The following SLC25A40 variants were observed in gnomAD, a reference collection of about 807,000 sequenced individuals.
SLC25A40 encodes solute carrier family 25 member 40.
In SLC25A40, 41 loss-of-function variants were observed where a neutral mutation model predicts 46.5. That is an observed-to-expected ratio of 0.88 (90% CI 0.69 to 1.14). The LOEUF (loss-of-function observed/expected upper bound fraction) is 1.14. Among genes scored for constraint, SLC25A40 ranks in the 50% most tolerant of loss-of-function variants. The pLI is 0.00. For synonymous variants in SLC25A40, 126 were observed against 127.5 expected, an observed-to-expected ratio of 0.99 and a Z score of 0.08; for missense variants, 386 against 393.6, an observed-to-expected ratio of 0.98 and a Z score of 0.16.
At chr7:87,870,963 G>A (rs116674385) in intron 1 of SLC25A40, among the ~76,000 whole-genome samples, 1,743 of 152,240 alleles carry the variant, frequency 0.011, 42 homozygotes, top group African/African-American at 0.04. Context: ...TAAGCTGTCC[G>A]TGGATGGCAA....
intron 1 of SLC25A40, among the ~76,000 whole-genome samples, chr7:87,870,655 G>A (rs1405777683): frequency 6.6e-6 from 1 of 152,176 alleles, no homozygotes; most frequent in Admixed American, 6.5e-5. Flanking sequence ...AAGAGAAGAA[G>A]CAGCCGAATG....
chr7:87,866,349 A>G (rs1049405856), intron 1 of SLC25A40, among the ~76,000 whole-genome samples: 3 of 152,118 alleles, frequency 2.0e-5, no homozygotes, highest in Admixed American at 2.0e-4. Flanking sequence ...TCAGCCCTTT[A>G]AAAATGTCAT....
At chr7:87,847,748 T>C in intron 7 of SLC25A40, 105 bp downstream of exon 7, 2 of 1,112,854 alleles carry the variant, frequency 1.8e-6, no homozygotes, top group African/African-American at 1.6e-5. Flanking sequence ...ATGCAAAATA[T>C]ATCATACTAA....
chr7:87,851,440 T>C (rs1012933074), intron 5 of SLC25A40, among the ~76,000 whole-genome samples: 3 of 152,100 alleles, frequency 2.0e-5, no homozygotes, highest in Admixed American at 6.5e-5. Context: ...CCCAGACCCA[T>C]ATCAGCAAAG....
intron 9 of SLC25A40, chr7:87,842,089 C>G: frequency 3.0e-6 from 1 of 332,156 alleles, no homozygotes; most frequent in Non-Finnish European, 6.1e-6. Flanking sequence ...CAGAAATTCT[C>G]AAGTATCTAG....
chr7:87,841,962 G>A, intron 9 of SLC25A40: 2 of 366,524 alleles, frequency 5.5e-6, no homozygotes, highest in South Asian at 2.5e-5. Context: ...ACTAGTTGCA[G>A]AGCCACAATT....
chr7:87,868,456 G>A (rs1838841662), intron 1 of SLC25A40, among the ~76,000 whole-genome samples: 1 of 152,036 alleles, frequency 6.6e-6, no homozygotes, highest in African/African-American at 2.4e-5. Context: ...TGATCCCACA[G>A]GTTGAGGGCT....
intron 1 of SLC25A40, among the ~76,000 whole-genome samples, chr7:87,875,187 ATC>A (rs1300306272): frequency 6.6e-6 from 1 of 152,180 alleles, no homozygotes; most frequent in African/African-American, 2.4e-5. Flanking sequence ...TATCAAATCA[ATC>A]TCTATTTCCT....
At chr7:87,843,087 T>C (rs546179274) in intron 9 of SLC25A40, among the ~76,000 whole-genome samples, 1 of 152,224 alleles carries the variant, frequency 6.6e-6, no homozygotes, top group Admixed American at 6.6e-5. Context: ...TCCTTCGCTA[T>C]TGTTTTTATG....
At chr7:87,870,168 AT>A (rs1402711527) in intron 1 of SLC25A40, among the ~76,000 whole-genome samples, 3 of 150,740 alleles carry the variant, frequency 2.0e-5, no homozygotes, top group Non-Finnish European at 3.0e-5. Flanking sequence ...AGTTATAATA[AT>A]TCTTCATATT....
intron 4 of SLC25A40, among the ~76,000 whole-genome samples, chr7:87,855,910 T>C (rs1315635073): frequency 6.6e-6 from 1 of 152,150 alleles, no homozygotes; most frequent in Non-Finnish European, 1.5e-5. Flanking sequence ...TCTGATAAAA[T>C]AATAAATTTC....
intron 10 of SLC25A40, among the ~76,000 whole-genome samples, chr7:87,840,408 G>C (rs1183073948): frequency 2.0e-5 from 3 of 151,684 alleles, no homozygotes; most frequent in Admixed American, 6.6e-5. Flanking sequence ...AGTTACCAAC[G>C]TAAGTGGCTC....
intron 2 of SLC25A40, among the ~76,000 whole-genome samples, chr7:87,858,998 T>G (rs1838656689): frequency 6.6e-6 from 1 of 152,206 alleles, no homozygotes; most frequent in Non-Finnish European, 1.5e-5. Flanking sequence ...AGCCCTTTAT[T>G]GTATACCAGT....
In SLC25A40 at chr7:87,836,095, A is replaced by T; in HGVS notation, c.*154T>A. On this transcript the variant is annotated 3_prime_UTR_variant, in exon 12 of 12. Coordinates refer to ENST00000341119, the MANE Select transcript of SLC25A40 (RefSeq NM_018843.4). ...AAAATAAGATAAAATTTATTTTAAAATTATGATTTAGAGGTAGAGCTGAAA... is the reference window on the plus strand; with the variant it reads ...AAAATAAGATAAAATTTATTTTAAATTTATGATTTAGAGGTAGAGCTGAAA... 1 of 488,660 alleles carries T rather than the reference A, an allele frequency of 2.0e-6. No homozygotes were observed. The highest frequency in any genetic ancestry group is 3.6e-6 in the Non-Finnish European group (1 of 274,518). The allele number at this position is 488,660 out of a possible 1,614,324, so 30.3% of individuals were successfully genotyped here. A position where few individuals can be genotyped will look rare whatever the true frequency, so the allele number is the denominator to read the frequency against.
intron 1 of SLC25A40, among the ~76,000 whole-genome samples, chr7:87,867,547 T>G (rs992537122): frequency 6.6e-6 from 1 of 152,348 alleles, no homozygotes; most frequent in Admixed American, 6.5e-5. Context: ...TTTAAATCCT[T>G]GGTTGGAGAG....
chr7:87,873,057 G>A (rs1838919311), intron 1 of SLC25A40, among the ~76,000 whole-genome samples: 1 of 152,186 alleles, frequency 6.6e-6, no homozygotes, highest in Non-Finnish European at 1.5e-5. Context: ...TATGAAATGT[G>A]AAAATTAATA....
Position 87,836,077 on chromosome 7 carries a change from GAT to G in SLC25A40, c.*170_*171del, listed in dbSNP as rs1562740219. On this transcript the variant is annotated 3_prime_UTR_variant, in exon 12 of 12. Transcript: ENST00000341119. ...TCTTTTTCAATATCACCAAAAATAA[GAT>G]AAAATTTATTTTAAAATTATGATTT... is the stretch of plus-strand genomic sequence containing the variant. 2 of 468,916 alleles carry G rather than the reference GAT, an allele frequency of 4.3e-6. No individual in the cohort carries two copies. Among genetic ancestry groups the G allele is most frequent in the African/African-American group, 2.1e-5 (1 of 48,254 alleles). The allele number at this position is 468,916 out of a possible 1,614,324, so 29.0% of individuals were successfully genotyped here.
At chr7:87,864,957 AT>A (rs973041782) in intron 1 of SLC25A40, among the ~76,000 whole-genome samples, 2 of 140,300 alleles carry the variant, frequency 1.4e-5, no homozygotes, top group Admixed American at 1.4e-4. Context: ...TGATTTGTTG[AT>A]TTTTTTCTTT....
chr7:87,869,113 A>T (rs1214050404), intron 1 of SLC25A40, among the ~76,000 whole-genome samples: 2 of 152,154 alleles, frequency 1.3e-5, no homozygotes, highest in Non-Finnish European at 1.5e-5. Flanking sequence ...AAGCTGCCTC[A>T]TCCTATTTGA....
Sources: allele counts gnomAD v4.1 joint callset (sites outside exome capture counted in the v4.1 genomes callset), GRCh38; gene constraint gnomAD v4.1.1; transcripts MANE v1.5; gene names NCBI Gene and HGNC (gene_info 2026-07-23, HGNC 2026-07-21).